EML6: variants seen among roughly 807,000 people sequenced by gnomAD.
EML6 encodes echinoderm microtubule-associated protein-like 6.
In EML6, 154 loss-of-function variants were observed where a neutral mutation model predicts 240.1. The observed-to-expected ratio is 0.64, with a 90% CI of 0.56 to 0.73. The LOEUF (loss-of-function observed/expected upper bound fraction) is 0.73, where lower values mean the gene tolerates loss of function less well. Ranked by LOEUF, EML6 falls within the 30% of genes least tolerant of loss-of-function variation. EML6 has a pLI of 0.00. For synonymous variants in EML6, 1,148 were observed against 899.0 expected (o/e 1.28, Z -4.95); for missense variants, 2,964 against 2,474.6 (o/e 1.20, Z -4.20).
intron 26 of EML6, among the ~76,000 whole-genome samples, chr2:54,922,361 C>G (rs1674301961): frequency 6.6e-6 from 1 of 152,088 alleles, no homozygotes; most frequent in Non-Finnish European, 1.5e-5. Flanking sequence ...TCACCTCACA[C>G]CTGTTAGGAT....
At chr2:54,927,641 C>T (rs1043507592) in intron 26 of EML6, among the ~76,000 whole-genome samples, 2 of 152,210 alleles carry the variant, frequency 1.3e-5, no homozygotes, top group African/African-American at 2.4e-5. Context: ...AGCTGACTCA[C>T]ATTCCACCCT....
At position 54,903,141 on chromosome 2, in the gene EML6, C is replaced by T; in HGVS notation, c.3222C>T (p.Asp1074=). The T allele has an allele frequency of 2.6e-6, 4 of 1,551,874 alleles. No homozygotes were observed. Among genetic ancestry groups the T allele is most frequent in the Non-Finnish European group, 3.5e-6 (4 of 1,146,932 alleles). Residue 1074 remains aspartate (D), a synonymous_variant, in exon 23 of 42, where the codon GAC becomes GAT. Coordinates refer to ENST00000356458, the MANE Select transcript of EML6 (RefSeq NM_001039753.4). The part of the protein sequence containing the change: ...FLVVNADTVE[D]MVSFHHRKEM... ...TGGTAAATGCTGACACTGTTGAAGA[C>T]ATGGTCTCTTTCCATCACAGAAAAG...
chr2:54,912,297 C>CT (rs2104294255), intron 25 of EML6, among the ~76,000 whole-genome samples: 2 of 152,250 alleles, frequency 1.3e-5, no homozygotes, highest in Admixed American at 1.3e-4. Context: ...CTCTTTTTAA[C>CT]TTTTTTATAT....
chr2:54,857,065 G>A (rs1344272309), intron 11 of EML6, among the ~76,000 whole-genome samples: 1 of 152,178 alleles, frequency 6.6e-6, no homozygotes, highest in Non-Finnish European at 1.5e-5. Flanking sequence ...CTTGAGCAGT[G>A]GGTTGAATAG....
chr2:54,922,517 T>C (rs900779403), intron 26 of EML6, among the ~76,000 whole-genome samples: 4 of 152,166 alleles, frequency 2.6e-5, no homozygotes, highest in Non-Finnish European at 4.4e-5. Flanking sequence ...AACTAATATA[T>C]GATTCAGTAA....
At chr2:54,764,154 A>C (rs1668088370) in intron 2 of EML6, among the ~76,000 whole-genome samples, 1 of 152,214 alleles carries the variant, frequency 6.6e-6, no homozygotes, top group East Asian at 1.9e-4. Flanking sequence ...GTTATTTTCA[A>C]TATGCCATTT....
At chr2:54,794,115 G>A (rs74353324) in intron 2 of EML6, among the ~76,000 whole-genome samples, 10,356 of 152,162 alleles carry the variant, frequency 0.068, 535 homozygotes, top group East Asian at 0.31. Context: ...TCCCAGTGAA[G>A]TAAGTTGTGT....
chr2:54,865,825 T>C (rs1189991028), intron 13 of EML6, among the ~76,000 whole-genome samples: 2 of 152,246 alleles, frequency 1.3e-5, no homozygotes, highest in Non-Finnish European at 2.9e-5. Context: ...CCTGAGTTAT[T>C]CCTTAACAGG....
chr2:54,840,866 G>A (rs979046363), intron 7 of EML6, among the ~76,000 whole-genome samples: 4 of 152,228 alleles, frequency 2.6e-5, no homozygotes, highest in Admixed American at 2.6e-4. Flanking sequence ...TTTTGCTGAT[G>A]TTGAAATATC....
In EML6 at chr2:54,740,647, T is replaced by C. The variant is rs117565275; in HGVS notation, c.197+15389T>C. Among the ~76,000 whole-genome samples the C allele has an allele frequency of 2.4e-3, 363 of 152,352 alleles. 9 individuals carry two copies. In the East Asian group the frequency reaches 0.051, roughly 21 times the overall value. ...TTTCCTCATGCTCTAGTGAGTTTTA[T>C]GCTGCAGTGGTAGTAGGCAGTCCTT... On this transcript the variant is annotated intron_variant, in intron 2 of 41. Transcript: ENST00000356458.
chr2:54,943,959 C>T (rs1201826290), intron 28 of EML6, among the ~76,000 whole-genome samples: 1 of 152,098 alleles, frequency 6.6e-6, no homozygotes, highest in African/African-American at 2.4e-5. Context: ...TATAAACGTT[C>T]TTCTCTCGCC....
At chr2:54,831,250 C>G (rs960759712) in intron 7 of EML6, among the ~76,000 whole-genome samples, 16 of 152,194 alleles carry the variant, frequency 1.1e-4, no homozygotes, top group Admixed American at 8.5e-4. Flanking sequence ...ATTCATGACT[C>G]TTTTTGGCAG....
chr2:54,965,539 T>C (rs2104550663), intron 38 of EML6, among the ~76,000 whole-genome samples: 1 of 152,324 alleles, frequency 6.6e-6, no homozygotes, highest in East Asian at 1.9e-4. Flanking sequence ...CAAATTGGTC[T>C]CCCTGAGCAT....
At chr2:54,879,864 A>G (rs1345599828) in intron 17 of EML6, 1 of 538,330 alleles carries the variant, frequency 1.9e-6, no homozygotes, top group African/African-American at 1.9e-5. Context: ...AATCCTCTGC[A>G]GAGAGTCATT....
rs368665544 is a variant in EML6 at position 54,853,785 on chromosome 2, C to T, written c.1587C>T (p.Asn529=). The T allele has an allele frequency of 3.9e-6, 6 of 1,551,630 alleles. No homozygotes were observed. The highest frequency in any genetic ancestry group is 5.2e-6 in the Non-Finnish European group (6 of 1,146,958). Residue 529 remains asparagine, a synonymous_variant, in exon 11 of 42, where the codon AAC becomes AAT. Coordinates refer to ENST00000356458, the MANE Select transcript of EML6 (RefSeq NM_001039753.4). ...TCAACTCAGTGGATGCGAATTACAA[C>T]AGCTCAGTGCTGGTGTCTGGAGATG... is the stretch of plus-strand genomic sequence containing the variant. The part of the protein sequence containing the change: ...TDINSVDANY[N]SSVLVSGDDF...
At chr2:54,899,415 C>T (rs530794616) in intron 21 of EML6, among the ~76,000 whole-genome samples, 1 of 152,196 alleles carries the variant, frequency 6.6e-6, no homozygotes, top group South Asian at 2.1e-4. Context: ...TCATGTTTTG[C>T]TTTGCAAATG....
At chr2:54,937,989 A>G (rs181693939) in intron 28 of EML6, among the ~76,000 whole-genome samples, 14 of 152,336 alleles carry the variant, frequency 9.2e-5, no homozygotes, top group South Asian at 2.1e-4. Context: ...TCTGACACCA[A>G]TCTGCTTCGT....
At chr2:54,787,815 C>G (rs779525562) in intron 2 of EML6, among the ~76,000 whole-genome samples, 1 of 152,070 alleles carries the variant, frequency 6.6e-6, no homozygotes, top group Non-Finnish European at 1.5e-5. Context: ...TTCAAGTGTC[C>G]ATTGTCATAA....
chr2:54,746,101 G>T (rs1310756684), intron 2 of EML6, among the ~76,000 whole-genome samples: 6 of 152,208 alleles, frequency 3.9e-5, no homozygotes, highest in African/African-American at 1.2e-4. Context: ...CATTCCAATG[G>T]TATGGGGCAG....
Sources: allele counts gnomAD v4.1 joint callset (sites outside exome capture counted in the v4.1 genomes callset), GRCh38; gene constraint gnomAD v4.1.1; transcripts MANE v1.5; gene names NCBI Gene and HGNC (gene_info 2026-07-23, HGNC 2026-07-21).